ZNF454: variants seen among roughly 807,000 people sequenced by gnomAD.
The protein encoded by ZNF454 is zinc finger protein 454.
A neutral mutation model predicts 48.2 loss-of-function variants in ZNF454; 30 were observed. The ratio of observed to expected loss-of-function variants is 0.62; its 90% CI spans 0.47 to 0.84. ZNF454 has a LOEUF of 0.84. Among genes scored for constraint, ZNF454 ranks in the 40% least tolerant of loss-of-function variants. ZNF454 has a pLI of 0.00. For missense variants in ZNF454, 510 were observed against 623.1 expected (o/e 0.82, Z 1.93); for synonymous variants, 204 against 211.4 (o/e 0.97, Z 0.30).
At chr5:178,972,635 G>A in the ZNF454 span, among the ~76,000 whole-genome samples, 5 of 152,156 alleles carry the variant, frequency 3.3e-5, no homozygotes, top group Non-Finnish European at 5.9e-5. Flanking sequence ...AAGGTCCCAC[G>A]CAGGCAAACC....
rs148015962 is a variant in ZNF454 at position 178,943,539 on chromosome 5, A to G, written c.33+715A>G. On this transcript the variant is annotated intron_variant, in intron 2 of 4. Transcript: ENST00000519564. ...GTTGGAAGGGACATACATCCAAACT[A>G]TATCAGGGCAGTATCTCACACAGAG... is the stretch of plus-strand genomic sequence containing the variant. Among the ~76,000 whole-genome samples the G allele has an allele frequency of 4.9e-3, 743 of 152,270 alleles. 9 individuals are homozygous for G. The highest frequency in any genetic ancestry group is 0.017 in the African/African-American group (701 of 41,552).
chr5:178,949,227 GTTT>G (rs991943953), intron 4 of ZNF454, among the ~76,000 whole-genome samples: 1 of 151,572 alleles, frequency 6.6e-6, no homozygotes, highest in Non-Finnish European at 1.5e-5. Context: ...ATTTTTTGTA[GTTT>G]TACTAGAGAT....
intron 4 of ZNF454, among the ~76,000 whole-genome samples, chr5:178,948,267 T>C (rs1435315289): frequency 6.6e-6 from 1 of 152,204 alleles, no homozygotes; most frequent in Non-Finnish European, 1.5e-5. Flanking sequence ...CAATTTTTAA[T>C]ATACCCAATA....
chr5:178,981,449 G>A, the ZNF454 span: 1 of 583,694 alleles, frequency 1.7e-6, no homozygotes, highest in Admixed American at 3.0e-5. This position sits in a 1 kb window ranked among gnomAD's most constrained non-coding sequence, Gnocchi z 5.1. Context: ...TCTGGTCTGT[G>A]GTGAGGAAGC....
chr5:178,960,819 T>C (rs73334737), intron 4 of ZNF454, among the ~76,000 whole-genome samples: 17,148 of 151,736 alleles, frequency 0.11, 1,519 homozygotes, highest in African/African-American at 0.23. Flanking sequence ...ATAGCACCTT[T>C]CTTTTGTATG....
downstream of ZNF454, among the ~76,000 whole-genome samples, chr5:178,968,104 A>AACACACACAC (rs1760192241): frequency 1.5e-4 from 6 of 40,280 alleles, no homozygotes; most frequent in African/African-American, 4.9e-4. Context: ...ACATCTGTGC[A>AACACACACAC]TCACACACAC....
At chr5:178,988,919 G>T in the ZNF454 span, 2 of 1,602,870 alleles carry the variant, frequency 1.2e-6, no homozygotes, top group Middle Eastern at 2.1e-4. The surrounding 1 kb of genome is among the most constrained non-coding windows in gnomAD (Gnocchi z 6.0). Context: ...CTGCAGGGGG[G>T]CAGGCACCCA....
intron 2 of ZNF454, 57 bp downstream of exon 2, chr5:178,942,881 T>A: frequency 6.3e-7 from 1 of 1,578,786 alleles, no homozygotes; most frequent in Non-Finnish European, 8.6e-7. Flanking sequence ...GTGTGGCATG[T>A]TTGCTTCCTC....
the ZNF454 span, among the ~76,000 whole-genome samples, chr5:178,984,520 A>C: frequency 6.6e-6 from 1 of 152,146 alleles, no homozygotes; most frequent in Non-Finnish European, 1.5e-5. Flanking sequence ...TTGTATCTGG[A>C]AAAGAGGGTA....
the ZNF454 span, chr5:178,989,307 TG>T: frequency 1.2e-6 from 2 of 1,613,176 alleles, no homozygotes; most frequent in African/African-American, 2.7e-5. Flanking sequence ...GTACCTGAGC[TG>T]GTCAGTTTGC....
rs1561708652 is a variant in ZNF454 at position 178,965,092 on chromosome 5, C to CGCGT, written c.688_689insGCGT (p.His230ArgfsTer17). 1 of 1,613,982 alleles carries CGCGT rather than the reference C, an allele frequency of 6.2e-7. No homozygotes were observed. Among genetic ancestry groups the CGCGT allele is most frequent in the South Asian group, 1.1e-5 (1 of 91,066 alleles). ...TGGGAAAGCCTTTCACCAGAGTACG[C>CGCGT]ACCTTATCCATCACCAAAGAATTCA... On this transcript the variant is annotated frameshift_variant, in exon 5 of 5. Coordinates refer to ENST00000519564, the MANE Select transcript of ZNF454 (RefSeq NM_001178089.3). LOFTEE classifies it high-confidence loss of function. This position sits in a 1 kb window ranked among gnomAD's most constrained non-coding sequence, Gnocchi z 5.2.
downstream of ZNF454, among the ~76,000 whole-genome samples, chr5:178,968,114 C>CACACACACAT (rs767390789): frequency 1.4e-5 from 2 of 142,106 alleles, no homozygotes; most frequent in African/African-American, 5.0e-5. Flanking sequence ...ATCACACACA[C>CACACACACAT]ACACACACAC....
chr5:178,973,791 C>T, the ZNF454 span, among the ~76,000 whole-genome samples: 4 of 147,758 alleles, frequency 2.7e-5, no homozygotes, highest in Non-Finnish European at 4.4e-5. Flanking sequence ...TGCAGTGAGC[C>T]GAGATCGCGC....
chr5:178,970,238 C>T (rs1230721291), downstream of ZNF454, among the ~76,000 whole-genome samples: 2 of 152,210 alleles, frequency 1.3e-5, no homozygotes, highest in African/African-American at 4.8e-5. Context: ...CTCTTTGCCC[C>T]ACCCTCCCCT....
chr5:178,972,299 T>C, the ZNF454 span, among the ~76,000 whole-genome samples: 16,840 of 152,238 alleles, frequency 0.11, 1,353 homozygotes, highest in African/African-American at 0.23. Context: ...TTTATGACTA[T>C]ACAACATTTT....
chr5:178,961,812 T>C (rs1760021990), intron 4 of ZNF454, among the ~76,000 whole-genome samples: 1 of 140,716 alleles, frequency 7.1e-6, no homozygotes, highest in African/African-American at 2.7e-5. Flanking sequence ...AGCGAGACTC[T>C]GTCTCAAAAA....
intron 4 of ZNF454, among the ~76,000 whole-genome samples, chr5:178,950,950 A>C (rs1581864620): frequency 6.7e-6 from 1 of 150,022 alleles, no homozygotes; most frequent in African/African-American, 2.5e-5. Context: ...ACCTCTGCCT[A>C]CCGGGTTCAA....
At chr5:178,953,818 T>C (rs1759643485) in intron 4 of ZNF454, among the ~76,000 whole-genome samples, 1 of 152,228 alleles carries the variant, frequency 6.6e-6, no homozygotes, top group Admixed American at 6.5e-5. Flanking sequence ...ATTTGTAACC[T>C]GTTTTTCCTC....
rs2113283190 is a variant in ZNF454 at position 178,965,700 on chromosome 5, A to G, written c.1296A>G (p.Arg432=). ...RDQSALAQHQ[R]IHTGEKPYTC... ...AATCAGCACTAGCCCAACATCAGAG[A>G]ATTCATACTGGGGAAAAACCTTATA... is the stretch of plus-strand genomic sequence containing the variant. The change falls in exon 5 of 5, where the codon AGA becomes AGG. Residue 432 remains arginine, a synonymous_variant. Transcript: ENST00000519564. The surrounding 1 kb of genome is among the most constrained non-coding windows in gnomAD (Gnocchi z 5.2). The G allele has an allele frequency of 6.2e-7, 1 of 1,614,214 alleles. No homozygotes were observed. Among genetic ancestry groups the G allele is most frequent in the East Asian group, 2.2e-5 (1 of 44,878 alleles).
Sources: allele counts gnomAD v4.1 joint callset (sites outside exome capture counted in the v4.1 genomes callset), GRCh38; gene constraint gnomAD v4.1.1; non-coding constraint Gnocchi (gnomAD v3.1); transcripts MANE v1.5; gene names NCBI Gene and HGNC (gene_info 2026-07-23, HGNC 2026-07-21).